Variants in DMXL2 observed in about 807,000 individuals in gnomAD.
DMXL2 encodes Dmx like 2, also known as dmX-like protein 2.
DMXL2 carries 103 observed loss-of-function variants against 331.1 expected under a neutral mutation model. The ratio of observed to expected loss-of-function variants is 0.31; its 90% CI spans 0.27 to 0.37. DMXL2 has a LOEUF of 0.37. DMXL2 is among the 10% of genes least tolerant of loss of function. DMXL2 has a pLI of 1.00. For missense variants in DMXL2, 3,171 were observed against 3,642.9 expected, an observed-to-expected ratio of 0.87 and a Z score of 3.33; for synonymous variants, 1,281 against 1,252.1, an observed-to-expected ratio of 1.02 and a Z score of -0.49.
rs376047892 is a variant in DMXL2 at position 51,480,191 on chromosome 15, A to C, written c.6565-52T>G. On this transcript the variant is annotated intron_variant, in intron 24 of 43. Transcript: ENST00000560891. ...TCAAAGTAGTTTAAAAAATTTTATCAGTTCTCTGACAGAAATACTGGTGAT... is the reference window on the plus strand; with the variant it reads ...TCAAAGTAGTTTAAAAAATTTTATCCGTTCTCTGACAGAAATACTGGTGAT... The C allele has an allele frequency of 2.0e-4, 281 of 1,437,630 alleles. 1 individual carries two copies. The African/African-American group carries it at 3.6e-3, about 18-fold the overall frequency. 89.1% of individuals were successfully genotyped at this position (1,437,630 alleles called of 1,614,324 possible). A position where few individuals can be genotyped will look rare whatever the true frequency, so the allele number is the denominator to read the frequency against.
chr15:51,595,315 C>T (rs762147977), intron 1 of DMXL2, among the ~76,000 whole-genome samples: 10 of 152,126 alleles, frequency 6.6e-5, no homozygotes, highest in South Asian at 4.1e-4. Context: ...TGAACTCCCA[C>T]TCACAATTGC....
chr15:51,466,034 A>T lies in DMXL2; in HGVS notation c.7520+150T>A, dbSNP rs2140277073. 2 of 656,782 alleles carry T rather than the reference A, an allele frequency of 3.0e-6. 1 individual carries two copies. Among genetic ancestry groups the T allele is most frequent in the Middle Eastern group, 8.7e-4 (2 of 2,294 alleles). 40.7% of individuals were successfully genotyped at this position (656,782 alleles called of 1,614,324 possible). A position where few individuals can be genotyped will look rare whatever the true frequency, so the allele number is the denominator to read the frequency against. On this transcript the variant is annotated intron_variant, in intron 30 of 43. Coordinates refer to ENST00000560891, the MANE Select transcript of DMXL2 (RefSeq NM_001378457.1). ...TGGAGAAAACACTATGTAGACATTG[A>T]CCTCAAAGGTGTAGAATTTGTAACC...
chr15:51,472,266 A>G (rs2041186771), intron 28 of DMXL2, among the ~76,000 whole-genome samples: 1 of 152,238 alleles, frequency 6.6e-6, no homozygotes, highest in Admixed American at 6.5e-5. Flanking sequence ...TCATCAACAA[A>G]TCCATTGGCT....
chr15:51,562,189 A>G (rs1405644959), intron 6 of DMXL2, among the ~76,000 whole-genome samples: 2 of 152,210 alleles, frequency 1.3e-5, no homozygotes, highest in Non-Finnish European at 2.9e-5. Flanking sequence ...TTTGACCATC[A>G]TTACACATTA....
At position 51,478,512 on chromosome 15, in the gene DMXL2, C is replaced by G. The variant is rs188533554; in HGVS notation, c.6757-165G>C. On this transcript the variant is annotated intron_variant, in intron 25 of 43. Coordinates refer to ENST00000560891, the MANE Select transcript of DMXL2 (RefSeq NM_001378457.1). ...TTAAATCTTCTAAAGTAACTGTCAC[C>G]CACCTTTATACACATGCCACAATAA... Among the ~76,000 whole-genome samples the G allele has an allele frequency of 4.6e-5, 7 of 152,022 alleles. No individual in the cohort carries two copies. In the East Asian group the frequency reaches 1.3e-3, roughly 29 times the overall value.
chr15:51,459,594 C>T lies in DMXL2; in HGVS notation c.7989+4G>A. ...GAGCTAAATACAAGATCTTGGAATACTACCTTGATGTGGCAATCTTCTGCT... is the reference window on the plus strand; with the variant it reads ...GAGCTAAATACAAGATCTTGGAATATTACCTTGATGTGGCAATCTTCTGCT... On this transcript the variant is annotated splice_donor_region_variant and intron_variant, in intron 34 of 43. Coordinates refer to ENST00000560891, the MANE Select transcript of DMXL2 (RefSeq NM_001378457.1). 1 of 1,289,790 alleles carries T rather than the reference C, an allele frequency of 7.8e-7. No individual in the cohort carries two copies. Among genetic ancestry groups the T allele is most frequent in the Non-Finnish European group, 1.0e-6 (1 of 988,824 alleles). The allele number at this position is 1,289,790 out of a possible 1,614,324, so 79.9% of individuals were successfully genotyped here.
At chr15:51,544,939 T>C (rs2048809864) in intron 8 of DMXL2, among the ~76,000 whole-genome samples, 2 of 152,042 alleles carry the variant, frequency 1.3e-5, no homozygotes, top group African/African-American at 2.4e-5. Context: ...TTTCTGACAA[T>C]TCAAAATAAT....
At chr15:51,519,895 G>A (rs986919678) in intron 13 of DMXL2, among the ~76,000 whole-genome samples, 5 of 151,782 alleles carry the variant, frequency 3.3e-5, no homozygotes, top group East Asian at 3.8e-4. Context: ...CACCTGCCTC[G>A]GCCTCCCAAA....
At chr15:51,472,994 A>ACT (rs10664175) in intron 28 of DMXL2, among the ~76,000 whole-genome samples, 83,124 of 151,480 alleles carry the variant, frequency 0.55, 23,106 homozygotes, top group African/African-American at 0.63. Context: ...CTCCTACAAC[A>ACT]CTCCCTCTTC....
In DMXL2 at chr15:51,620,191, A is replaced by G. The variant is rs193249032; in HGVS notation, c.87+2268T>C. 3.9e-5 allele frequency among the ~76,000 whole-genome samples: 6 copies of G among 152,110 alleles called. No individual in the cohort carries two copies. In the East Asian group the frequency reaches 9.6e-4, roughly 24 times the overall value. On this transcript the variant is annotated intron_variant, in intron 1 of 43. Coordinates refer to ENST00000560891, the MANE Select transcript of DMXL2 (RefSeq NM_001378457.1). ...TTGTTTTGTTTTGTTTTGTTTTTCA[A>G]TCTGTTTTTCACAAAGCCCAAGAGA...
At chr15:51,501,270 C>A (rs78844349) in intron 17 of DMXL2, among the ~76,000 whole-genome samples, 2 of 152,074 alleles carry the variant, frequency 1.3e-5, no homozygotes, top group East Asian at 3.9e-4. Context: ...TTTTAGCGGC[C>A]CCGAACCTCC....
At chr15:51,488,749 T>C in intron 20 of DMXL2, 104 bp from the exon 21 acceptor site, 1 of 995,886 alleles carries the variant, frequency 1.0e-6, no homozygotes, top group Non-Finnish European at 1.5e-6. Flanking sequence ...ATAGAAACTG[T>C]GGAGACAGAA....
At chr15:51,501,319 C>T (rs1347124753) in intron 17 of DMXL2, among the ~76,000 whole-genome samples, 1 of 152,180 alleles carries the variant, frequency 6.6e-6, no homozygotes, top group Admixed American at 6.5e-5. Context: ...AGAAACTCCC[C>T]AATTAAAATT....
chr15:51,611,728 C>G (rs893496284), intron 1 of DMXL2, among the ~76,000 whole-genome samples: 1 of 152,138 alleles, frequency 6.6e-6, no homozygotes, highest in Non-Finnish European at 1.5e-5. Flanking sequence ...GTGAAGCTAG[C>G]TGGACTTCCT....
chr15:51,616,147 G>T (rs1212672900), intron 1 of DMXL2, among the ~76,000 whole-genome samples: 2 of 152,116 alleles, frequency 1.3e-5, no homozygotes, highest in East Asian at 1.9e-4. Flanking sequence ...CCATCTAAGA[G>T]GGTATTATTT....
chr15:51,545,434 G>A, intron 8 of DMXL2, 149 bp downstream of exon 8: 1 of 539,054 alleles, frequency 1.9e-6, no homozygotes, highest in East Asian at 3.0e-5. Context: ...TGGAATAAAT[G>A]AGTAGTCTTA....
chr15:51,568,670 G>T, intron 2 of DMXL2, 112 bp from the exon 3 acceptor site: 1 of 708,138 alleles, frequency 1.4e-6, no homozygotes, highest in Non-Finnish European at 2.3e-6. Flanking sequence ...CAGTATTCAT[G>T]GTTTATTTCC....
At chr15:51,588,737 AT>A (rs1276104921) in intron 1 of DMXL2, among the ~76,000 whole-genome samples, 2 of 152,228 alleles carry the variant, frequency 1.3e-5, no homozygotes, top group Non-Finnish European at 2.9e-5. Context: ...TTAAACTGTA[AT>A]TAAACTTCCA....
At chr15:51,479,009 C>T (rs968067916) in intron 25 of DMXL2, among the ~76,000 whole-genome samples, 7 of 152,020 alleles carry the variant, frequency 4.6e-5, no homozygotes, top group African/African-American at 1.7e-4. Context: ...ACCTTAGAAA[C>T]AGTTTCATAC....
Sources: gnomAD v4.1 joint callset for allele counts (sites outside exome capture counted in the v4.1 genomes callset) on GRCh38, gnomAD v4.1.1 for gene constraint, MANE v1.5 for transcripts, NCBI Gene and HGNC (gene_info 2026-07-23, HGNC 2026-07-21) for gene names.